The following DRICH1 variants were observed in gnomAD, a reference collection of about 807,000 sequenced individuals.
The protein encoded by DRICH1 is aspartate rich 1.
A neutral mutation model predicts 39.5 loss-of-function variants in DRICH1; 38 were observed. The observed-to-expected ratio is 0.96, with a 90% CI of 0.74 to 1.26. The LOEUF is 1.26. DRICH1 is among the 50% of genes most tolerant of loss of function. The probability of loss-of-function intolerance (pLI) is 0.00; values close to 1 mark genes in which losing one functional copy is unlikely to be tolerated. For synonymous variants in DRICH1, 84 were observed against 99.5 expected (o/e 0.84, Z 0.93); for missense variants, 279 against 270.4 (o/e 1.03, Z -0.22).
chr22:23,622,102 C>A lies in DRICH1; in HGVS notation c.373G>T (p.Asp125Tyr). Residue 125 changes from aspartate to tyrosine, a missense_variant, in exon 4 of 12, where the codon GAT becomes TAT. By Grantham distance (160) the Asp-to-Tyr change is radical (BLOSUM62 -3). Transcript: ENST00000317749. ...AAAGATTGTCTTACCTGGGCATCAT[C>A]ATCATCATCATCATCACAGTCATCA... is the stretch of plus-strand genomic sequence containing the variant. ...EDDDCDDDDD[D>Y]DAQILPSRVQ... The A allele has an allele frequency of 6.2e-7, 1 of 1,611,058 alleles. No individual in the cohort carries two copies. The highest frequency in any genetic ancestry group is 8.5e-7 in the Non-Finnish European group (1 of 1,177,664).
chr22:23,616,859 C>T lies in DRICH1; in HGVS notation c.535G>A (p.Val179Ile), dbSNP rs771863366. The change falls in exon 8 of 12, where the codon GTC becomes ATC. Residue 179 changes from valine (V) to isoleucine (I), a missense_variant. By Grantham distance (29) the Val-to-Ile change is conservative. Transcript: ENST00000317749. ...DDDAQILPSP[V>I]QACSEDSLFL... ...GTTAGTTCAAGGTACATACCCTGGA[C>T]AGGTGACGGTAAAATCTGCAATGAG... 2.5e-6 allele frequency: 4 copies of T among 1,613,958 alleles called. No homozygotes were observed. The highest frequency in any genetic ancestry group is 1.1e-5 in the South Asian group (1 of 91,090).
intron 11 of DRICH1, among the ~76,000 whole-genome samples, chr22:23,609,214 T>G (rs1459727869): frequency 7.3e-6 from 1 of 137,056 alleles, no homozygotes; most frequent in African/African-American, 2.7e-5. Context: ...GGAGGGAGGC[T>G]GCTGTGTTGA....
chr22:23,617,132 A>G (rs1355384835), intron 7 of DRICH1, among the ~76,000 whole-genome samples: 1 of 152,242 alleles, frequency 6.6e-6, no homozygotes, highest in Non-Finnish European at 1.5e-5. Context: ...GTGTGGAGGA[A>G]ATGCCTCTGC....
the DRICH1 span, among the ~76,000 whole-genome samples, chr22:23,586,192 C>G: frequency 2.0e-5 from 3 of 152,192 alleles, no homozygotes; most frequent in African/African-American, 7.2e-5. Context: ...TAGATGCATA[C>G]AAATTTAAAA....
At chr22:23,631,767 G>A (rs1569098731) in intron 1 of DRICH1, 49 bp downstream of exon 1, 1 of 1,440,494 alleles carries the variant, frequency 6.9e-7, no homozygotes, top group Admixed American at 1.7e-5. Flanking sequence ...AGGGGGTGGG[G>A]GTGGCCAGAG....
chr22:23,603,418 G>A, the DRICH1 span, among the ~76,000 whole-genome samples: 1 of 151,326 alleles, frequency 6.6e-6, no homozygotes, highest in Non-Finnish European at 1.5e-5. Context: ...CCCACTCTCC[G>A]CCCTGGGCCT....
chr22:23,606,235 T>G (rs1459248156), downstream of DRICH1, among the ~76,000 whole-genome samples: 1 of 152,052 alleles, frequency 6.6e-6, no homozygotes, highest in Non-Finnish European at 1.5e-5. Flanking sequence ...CCACATTCCA[T>G]AAAATCTCTC....
At chr22:23,624,054 C>G in intron 3 of DRICH1, 10 of 985,278 alleles carry the variant, frequency 1.0e-5, no homozygotes, top group Non-Finnish European at 1.1e-5. Flanking sequence ...TGCAGTGAGC[C>G]CAGAGTGAAT....
intron 11 of DRICH1, among the ~76,000 whole-genome samples, chr22:23,612,466 C>CAAAAAAAAAA: frequency 4.0e-5 from 1 of 24,864 alleles, no homozygotes. Context: ...GACTCCATCT[C>CAAAAAAAAAA]AAAAAAAAAA....
At chr22:23,610,077 C>T (rs1926954037) in intron 11 of DRICH1, among the ~76,000 whole-genome samples, 1 of 152,108 alleles carries the variant, frequency 6.6e-6, no homozygotes, top group Non-Finnish European at 1.5e-5. Context: ...CTCTGTTGCC[C>T]TGGCCGTCTC....
rs1274499849 is a variant in DRICH1, at chr22:23,631,957, AGGGT to A, written c.63_66del (p.Pro22ValfsTer22). ...TAAATATCAGTATCAGATTCATAAC[AGGGT>A]GCGTCCTTCCCCCTGGGCCAGCCAC... On this transcript the variant is annotated frameshift_variant, in exon 1 of 12. Coordinates refer to ENST00000317749, the MANE Select transcript of DRICH1 (RefSeq NM_016449.4). LOFTEE classifies it high-confidence loss of function. 6.2e-7 allele frequency: 1 copy of A among 1,613,784 alleles called. No homozygotes were observed. Among genetic ancestry groups the A allele is most frequent in the Non-Finnish European group, 8.5e-7 (1 of 1,180,022 alleles).
At chr22:23,619,531 C>A (rs538170012) in intron 5 of DRICH1, 138 bp from the exon 6 acceptor site, 4 of 688,626 alleles carry the variant, frequency 5.8e-6, no homozygotes, top group East Asian at 2.7e-5. Flanking sequence ...CAGAGAAATG[C>A]AAACAGCATG....
chr22:23,592,835 TACACACACAC>T, the DRICH1 span, among the ~76,000 whole-genome samples: 1,978 of 135,224 alleles, frequency 0.015, 19 homozygotes, highest in Middle Eastern at 0.041. Context: ...CTATTAAAAA[TACACACACAC>T]ACACACACAC....
intron 3 of DRICH1, among the ~76,000 whole-genome samples, chr22:23,622,875 C>A (rs897324975): frequency 6.6e-6 from 1 of 152,174 alleles, no homozygotes; most frequent in Non-Finnish European, 1.5e-5. Context: ...GCTCACACAG[C>A]CTGCTCTAAC....
chr22:23,591,013 C>T, the DRICH1 span, among the ~76,000 whole-genome samples: 1 of 152,160 alleles, frequency 6.6e-6, no homozygotes, highest in Non-Finnish European at 1.5e-5. Context: ...GCATGCTCTG[C>T]TCCGTGGATG....
chr22:23,629,416 T>G (rs537472372), intron 1 of DRICH1, among the ~76,000 whole-genome samples: 1 of 152,252 alleles, frequency 6.6e-6, no homozygotes, highest in Admixed American at 6.5e-5. Flanking sequence ...CCCCCAACAG[T>G]GGGACAGTCC....
chr22:23,616,738 T>C (rs1927371964), intron 8 of DRICH1, 115 bp downstream of exon 8: 2 of 1,361,490 alleles, frequency 1.5e-6, no homozygotes, highest in African/African-American at 1.4e-5. Flanking sequence ...ACTTGCAGAA[T>C]CATTTGCTCT....
downstream of DRICH1, chr22:23,608,310 G>A (rs116356904): frequency 1.9e-3 from 319 of 170,648 alleles, no homozygotes; most frequent in African/African-American, 7.0e-3. Flanking sequence ...CACACCTTCC[G>A]TGTCCTGGAG....
intron 4 of DRICH1, 27 bp from the exon 5 acceptor site, chr22:23,620,642 T>A: frequency 3.7e-6 from 6 of 1,613,178 alleles, no homozygotes; most frequent in Non-Finnish European, 5.1e-6. Flanking sequence ...GAAGATGCTA[T>A]GAGGATCAGA....
Sources: allele counts gnomAD v4.1 joint callset (sites outside exome capture counted in the v4.1 genomes callset), GRCh38; gene constraint gnomAD v4.1.1; transcripts MANE v1.5; gene names NCBI Gene and HGNC (gene_info 2026-07-23, HGNC 2026-07-21).